NR6A1: variants seen among roughly 807,000 people sequenced by gnomAD.
NR6A1 encodes the protein retinoic acid receptor-related testis-associated receptor.
NR6A1 carries 7 observed loss-of-function variants against 59.1 expected under a neutral mutation model. The ratio of observed to expected loss-of-function variants is 0.12; its 90% CI spans 0.07 to 0.22. NR6A1 has a LOEUF of 0.22. NR6A1 is among the 10% of genes least tolerant of loss of function. The pLI is 1.00. For missense variants in NR6A1, 468 were observed against 611.6 expected (o/e 0.77, Z 2.48); for synonymous variants, 243 against 236.1 (o/e 1.03, Z -0.27).
chr9:124,749,554 G>A (rs1186593486), intron 1 of NR6A1, among the ~76,000 whole-genome samples: 3 of 151,936 alleles, frequency 2.0e-5, no homozygotes, highest in East Asian at 1.9e-4. Flanking sequence ...AAATAAATAC[G>A]GTATTTTTTT....
intron 1 of NR6A1, among the ~76,000 whole-genome samples, chr9:124,740,517 A>T (rs1219103804): frequency 6.6e-6 from 1 of 152,198 alleles, no homozygotes; most frequent in African/African-American, 2.4e-5. Flanking sequence ...AGGTCAAAAT[A>T]GGTCTTGAAA....
chr9:124,578,314 C>T (rs891347385), intron 2 of NR6A1, among the ~76,000 whole-genome samples: 3 of 152,210 alleles, frequency 2.0e-5, no homozygotes, highest in African/African-American at 7.2e-5. Context: ...GCCCATTTAA[C>T]ATCTCCATTT....
intron 1 of NR6A1, among the ~76,000 whole-genome samples, chr9:124,739,658 C>T (rs935212213): frequency 6.6e-6 from 1 of 152,158 alleles, no homozygotes; most frequent in African/African-American, 2.4e-5. Context: ...ATCACTGATT[C>T]CTCAAATTGT....
intron 7 of NR6A1, among the ~76,000 whole-genome samples, chr9:124,530,033 C>A (rs543285972): frequency 1.6e-4 from 24 of 152,246 alleles, no homozygotes; most frequent in African/African-American, 5.8e-4. Flanking sequence ...TAATCAGCAA[C>A]CCCTTGCCCC....
intron 2 of NR6A1, among the ~76,000 whole-genome samples, chr9:124,637,611 C>A (rs1214123059): frequency 1.3e-5 from 2 of 152,182 alleles, no homozygotes; most frequent in Non-Finnish European, 2.9e-5. Flanking sequence ...CTCCAACTGG[C>A]CAGGTGCAGT....
chr9:124,558,867 GC>G (rs1240974594), intron 2 of NR6A1, among the ~76,000 whole-genome samples: 3 of 151,968 alleles, frequency 2.0e-5, no homozygotes, highest in Non-Finnish European at 4.4e-5. Flanking sequence ...AAAAGCCAGG[GC>G]CCCCCTTTGT....
At chr9:124,760,531 A>G (rs969335899) in intron 1 of NR6A1, among the ~76,000 whole-genome samples, 1 of 152,130 alleles carries the variant, frequency 6.6e-6, no homozygotes, top group Non-Finnish European at 1.5e-5. Context: ...TCTAATCCTT[A>G]TAACCCTACA....
At chr9:124,682,105 C>T (rs1838182292) in intron 2 of NR6A1, among the ~76,000 whole-genome samples, 1 of 152,298 alleles carries the variant, frequency 6.6e-6, no homozygotes, top group Non-Finnish European at 1.5e-5. Flanking sequence ...AGCGATTCTC[C>T]TGCCTCAGCC....
intron 1 of NR6A1, among the ~76,000 whole-genome samples, chr9:124,770,527 G>A (rs1841107198): frequency 6.6e-6 from 1 of 151,352 alleles, no homozygotes. Context: ...GGTGGGAGGA[G>A]GAACCCCTGT....
chr9:124,600,337 T>C (rs765692658), intron 2 of NR6A1, among the ~76,000 whole-genome samples: 3 of 152,310 alleles, frequency 2.0e-5, no homozygotes, highest in Non-Finnish European at 2.9e-5. Context: ...TATCTGGGAC[T>C]AAGAAGCAAA....
At chr9:124,553,574 T>TC (rs1833844980) in intron 3 of NR6A1, among the ~76,000 whole-genome samples, 1 of 128,240 alleles carries the variant, frequency 7.8e-6, no homozygotes, top group Non-Finnish European at 1.6e-5. Flanking sequence ...TTTTTTTTTT[T>TC]CGTTTTTTTC....
At chr9:124,552,129 T>G (rs1833795229) in intron 3 of NR6A1, among the ~76,000 whole-genome samples, 1 of 152,154 alleles carries the variant, frequency 6.6e-6, no homozygotes, top group Non-Finnish European at 1.5e-5. Context: ...ACACTCCAGC[T>G]GAACAAGCAG....
intron 2 of NR6A1, among the ~76,000 whole-genome samples, chr9:124,587,237 A>G (rs1017850598): frequency 6.6e-6 from 1 of 152,246 alleles, no homozygotes; most frequent in African/African-American, 2.4e-5. Context: ...TACTCCACAC[A>G]TAACAGACTA....
At chr9:124,550,066 T>C (rs1399359604) in intron 3 of NR6A1, among the ~76,000 whole-genome samples, 4 of 152,178 alleles carry the variant, frequency 2.6e-5, no homozygotes, top group Admixed American at 6.5e-5. Context: ...ATGGGCTTGT[T>C]TGTTTTCTCA....
chr9:124,554,329 C>T lies in NR6A1; in HGVS notation c.384G>A (p.Lys128=). The change falls in exon 3 of 10, where the codon AAG becomes AAA. Residue 128 remains lysine, a splice_region_variant and synonymous_variant. Coordinates refer to ENST00000487099, the MANE Select transcript of NR6A1 (RefSeq NM_033334.4). ...LKCLQMGMNR[K]AIREDGMPGG... is the part of the protein sequence containing the mutation. ...ATCAGAGCCATCAGCACCACTCACC[C>T]TTCCGGTTCATCCCCATCTGGAGGC... 6.2e-7 allele frequency: 1 copy of T among 1,614,184 alleles called. No homozygotes were observed.
In NR6A1 at chr9:124,584,317, G is replaced by A. The variant is rs567710060; in HGVS notation, c.143-29747C>T. Reference sequence around the variant, plus strand: ...GAGACGAGGTTTCACCTTGTTGGCAGGATGCTCTCGATCTCCTGACGTCAT... The same window carrying A: ...GAGACGAGGTTTCACCTTGTTGGCAAGATGCTCTCGATCTCCTGACGTCAT... On this transcript the variant is annotated intron_variant, in intron 2 of 9. Coordinates refer to ENST00000487099, the MANE Select transcript of NR6A1 (RefSeq NM_033334.4). 2.1e-3 allele frequency among the ~76,000 whole-genome samples: 318 copies of A among 152,138 alleles called. 1 individual carries two copies. Among genetic ancestry groups the A allele is most frequent in the Middle Eastern group, 3.4e-3 (1 of 294 alleles).
chr9:124,746,583 G>A (rs1328335551), intron 1 of NR6A1, among the ~76,000 whole-genome samples: 1 of 151,700 alleles, frequency 6.6e-6, no homozygotes, highest in African/African-American at 2.4e-5. Flanking sequence ...GCGAGACTCC[G>A]TCTAAAAAAA....
Position 124,771,219 on chromosome 9 carries a change from G to T in NR6A1, c.-100C>A. 1 of 622,886 alleles carries T rather than the reference G, an allele frequency of 1.6e-6. No individual in the cohort carries two copies. Among genetic ancestry groups the T allele is most frequent in the Non-Finnish European group, 2.3e-6 (1 of 431,684 alleles). 38.6% of individuals were successfully genotyped at this position (622,886 alleles called of 1,614,324 possible). ...CGCCGAGGGGAGGAGGTTGTCAGGA[G>T]CCCGCGAGCTCCCGGCCGCGGCTCT... On this transcript the variant is annotated 5_prime_UTR_variant, in exon 1 of 10. Coordinates refer to ENST00000487099, the MANE Select transcript of NR6A1 (RefSeq NM_033334.4).
intron 1 of NR6A1, among the ~76,000 whole-genome samples, chr9:124,748,464 A>C (rs1215925250): frequency 6.6e-6 from 1 of 152,226 alleles, no homozygotes; most frequent in Non-Finnish European, 1.5e-5. Context: ...ATTTTACAGA[A>C]AGGAGAAATT....
Sources: allele counts gnomAD v4.1 joint callset (sites outside exome capture counted in the v4.1 genomes callset), GRCh38; gene constraint gnomAD v4.1.1; transcripts MANE v1.5; gene names NCBI Gene and HGNC (gene_info 2026-07-23, HGNC 2026-07-21).